Variants in PTPRA observed in about 807,000 individuals in gnomAD.
The protein encoded by PTPRA is protein tyrosine phosphatase receptor type A.
PTPRA carries 25 observed loss-of-function variants against 104.8 expected under a neutral mutation model. The observed-to-expected ratio is 0.24, with a 90% CI of 0.17 to 0.33. The LOEUF is 0.33. Ranked by LOEUF, PTPRA falls within the 10% of genes least tolerant of loss-of-function variation. The pLI is 1.00. For synonymous variants in PTPRA, 323 were observed against 368.9 expected, an observed-to-expected ratio of 0.88 and a Z score of 1.43; for missense variants, 765 against 1,015.3, an observed-to-expected ratio of 0.75 and a Z score of 3.35.
chr20:3,022,094 C>T lies in PTPRA; in HGVS notation c.1202C>T (p.Thr401Ile), dbSNP rs764338581. Residue 401 changes from threonine (T) to isoleucine (I), a missense_variant, in exon 15 of 24, where the codon ACT becomes ATT. Physicochemically the swap from Thr to Ile is moderately conservative, Grantham distance 89 (BLOSUM62 -1). Transcript: ENST00000399903. This position sits in a 1 kb window ranked among gnomAD's most constrained non-coding sequence, Gnocchi z 4.6. The stretch of plus-strand genomic sequence containing the variant: ...AACAGAAAGCCACAGCGCCTCATCA[C>T]TCAGTTCCACTTTACCAGCTGGCCA... Reference protein sequence around the residue: ...MTNRKPQRLITQFHFTSWPDF... With the variant: ...MTNRKPQRLIIQFHFTSWPDF... The T allele has an allele frequency of 5.0e-6, 8 of 1,614,126 alleles. No individual in the cohort carries two copies. In the Admixed American group the frequency reaches 5.0e-5, roughly 10 times the overall value.
At chr20:2,960,416 A>AT (rs2061709233) in intron 3 of PTPRA, among the ~76,000 whole-genome samples, 1 of 151,656 alleles carries the variant, frequency 6.6e-6, no homozygotes, top group Non-Finnish European at 1.5e-5. Flanking sequence ...CATCCGGCTA[A>AT]TTTTTTGTAT....
At chr20:2,957,609 G>A (rs1336990803) in intron 3 of PTPRA, among the ~76,000 whole-genome samples, 4 of 152,186 alleles carry the variant, frequency 2.6e-5, no homozygotes, top group Non-Finnish European at 5.9e-5. Context: ...TGGTATGAAA[G>A]GGAGGGGTTA....
At chr20:2,891,764 C>A (rs1464269745) in intron 1 of PTPRA, among the ~76,000 whole-genome samples, 1 of 152,050 alleles carries the variant, frequency 6.6e-6, no homozygotes, top group African/African-American at 2.4e-5. Context: ...CCATGGAGAT[C>A]AAAATCCAGG....
intron 1 of PTPRA, among the ~76,000 whole-genome samples, chr20:2,878,527 C>A (rs8183026): frequency 3.9e-5 from 6 of 152,198 alleles, no homozygotes; most frequent in Non-Finnish European, 8.8e-5. Flanking sequence ...GTAGTTGGTG[C>A]AATCCTTTTT....
chr20:2,914,635 A>C (rs2059835214), intron 1 of PTPRA, among the ~76,000 whole-genome samples: 1 of 152,080 alleles, frequency 6.6e-6, no homozygotes, highest in African/African-American at 2.4e-5. Context: ...AATCCCCTTG[A>C]ATGTGCCCAG....
chr20:3,017,209 G>T (rs2064510227), intron 12 of PTPRA, among the ~76,000 whole-genome samples: 1 of 152,034 alleles, frequency 6.6e-6, no homozygotes, highest in Non-Finnish European at 1.5e-5. Context: ...TTCTTCAGTT[G>T]CATTGTGGAT....
chr20:3,034,995 C>A (rs1362505789), intron 20 of PTPRA, among the ~76,000 whole-genome samples: 1 of 152,092 alleles, frequency 6.6e-6, no homozygotes, highest in Non-Finnish European at 1.5e-5. Flanking sequence ...AGAGACGCAG[C>A]CACTCCCACA....
chr20:2,982,150 G>A (rs1276011426), intron 6 of PTPRA, among the ~76,000 whole-genome samples: 1 of 150,434 alleles, frequency 6.6e-6, no homozygotes, highest in Admixed American at 6.6e-5. Flanking sequence ...GAGTGCAGTG[G>A]CACGATCTTG....
chr20:2,958,844 CAAAA>C (rs528139524), intron 3 of PTPRA, among the ~76,000 whole-genome samples: 4 of 46,880 alleles, frequency 8.5e-5, no homozygotes, highest in East Asian at 6.7e-4. Flanking sequence ...GAGACTGTAT[CAAAA>C]AAAAAAAAAA....
chr20:2,933,595 G>A (rs573909920), intron 2 of PTPRA, among the ~76,000 whole-genome samples: 1 of 151,976 alleles, frequency 6.6e-6, no homozygotes, highest in Admixed American at 6.6e-5. Flanking sequence ...CAAGTAGCTG[G>A]GATTACAGGC....
At chr20:2,886,234 A>G (rs2146903416) in intron 1 of PTPRA, among the ~76,000 whole-genome samples, 1 of 152,308 alleles carries the variant, frequency 6.6e-6, no homozygotes, top group East Asian at 1.9e-4. Context: ...TTAATTTTTT[A>G]AAGGTTATTA....
At chr20:2,905,442 C>T (rs2059389555) in intron 1 of PTPRA, among the ~76,000 whole-genome samples, 1 of 152,150 alleles carries the variant, frequency 6.6e-6, no homozygotes, top group Non-Finnish European at 1.5e-5. Flanking sequence ...TTTACACTTC[C>T]AGGGGTCAGT....
intron 6 of PTPRA, among the ~76,000 whole-genome samples, chr20:2,984,823 A>G (rs2062833569): frequency 6.6e-6 from 1 of 151,978 alleles, no homozygotes; most frequent in Non-Finnish European, 1.5e-5. Flanking sequence ...AAAGCTCTTC[A>G]CCCAGATCTT....
rs2061308003 is a variant in PTPRA, at chr20:2,950,251, T to G, written c.-7+2227T>G. Among the ~76,000 whole-genome samples, 1 of 152,146 alleles carries G rather than the reference T, an allele frequency of 6.6e-6. No homozygotes were observed. The highest frequency in any genetic ancestry group is 1.5e-5 in the Non-Finnish European group (1 of 68,026). ...TAGTTTTTTATTCTTTTTCTAGAGA[T>G]TCGTTCATTTTTCTTAGTTTTATTT... On this transcript the variant is annotated intron_variant, in intron 3 of 23. Coordinates refer to ENST00000399903, the MANE Select transcript of PTPRA (RefSeq NM_001385305.1). This position sits in a 1 kb window ranked among gnomAD's most constrained non-coding sequence, Gnocchi z 4.0.
At chr20:2,891,379 C>T (rs1463286730) in intron 1 of PTPRA, among the ~76,000 whole-genome samples, 1 of 152,168 alleles carries the variant, frequency 6.6e-6, no homozygotes, top group Admixed American at 6.5e-5. Context: ...CTCCTCTTAA[C>T]GTTGGTAGCC....
At chr20:3,020,031 C>T (rs2064772324) in intron 13 of PTPRA, among the ~76,000 whole-genome samples, 1 of 152,144 alleles carries the variant, frequency 6.6e-6, no homozygotes, top group East Asian at 1.9e-4. Context: ...GCAGTACCGT[C>T]CAGCTTCGGC....
intron 1 of PTPRA, among the ~76,000 whole-genome samples, chr20:2,896,945 G>A (rs958403576): frequency 6.6e-6 from 1 of 152,190 alleles, no homozygotes. Context: ...TATTTTTGAA[G>A]AGTAGAGAAT....
At position 3,025,352 on chromosome 20, in the gene PTPRA, C is replaced by T. The variant is rs8116541; in HGVS notation, c.1614+731C>T. 5.0e-3 allele frequency among the ~76,000 whole-genome samples: 749 copies of T among 150,944 alleles called. 7 individuals are homozygous for T. Among genetic ancestry groups the T allele is most frequent in the African/African-American group, 0.017 (710 of 41,014 alleles). ...CCTGTAGTCCCAGCTACTCAGGAGG[C>T]TGAGGCGAGAGAATTGCTTGAACCC... On this transcript the variant is annotated intron_variant, in intron 17 of 23. Transcript: ENST00000399903.
intron 10 of PTPRA, 108 bp from the exon 11 acceptor site, chr20:3,007,236 G>T: frequency 9.6e-7 from 1 of 1,041,658 alleles, no homozygotes; most frequent in Non-Finnish European, 1.4e-6. Context: ...CTTTATACAA[G>T]CGTGAGTCTG....
Sources: allele counts gnomAD v4.1 joint callset (sites outside exome capture counted in the v4.1 genomes callset), GRCh38; gene constraint gnomAD v4.1.1; non-coding constraint Gnocchi (gnomAD v3.1); transcripts MANE v1.5; gene names NCBI Gene and HGNC (gene_info 2026-07-23, HGNC 2026-07-21).